Variants in SAE1 observed in about 807,000 individuals in gnomAD.
The protein encoded by SAE1 is SUMO1 activating enzyme subunit 1.
In SAE1, 11 loss-of-function variants were observed where a neutral mutation model predicts 40.6. The observed-to-expected ratio is 0.27, with a 90% CI of 0.17 to 0.45. The LOEUF (loss-of-function observed/expected upper bound fraction) is 0.45. Among genes scored for constraint, SAE1 ranks in the 20% least tolerant of loss-of-function variants. The pLI, the probability that SAE1 is intolerant of heterozygous loss-of-function variation, is 1.00. For missense variants in SAE1, 373 were observed against 427.3 expected (o/e 0.87, Z 1.12); for synonymous variants, 155 against 154.3 (o/e 1.00, Z -0.03).
At position 47,137,724 on chromosome 19, in the gene SAE1, TG is replaced by T. The variant is rs1473844566; in HGVS notation, c.99-5769del. Among the ~76,000 whole-genome samples, 146 of 140,998 alleles carry T rather than the reference TG, an allele frequency of 1.0e-3. No homozygotes were observed. The East Asian group carries it at 0.019, about 18-fold the overall frequency. The allele number at this position is 140,998 out of a possible 152,430, so 92.5% of individuals were successfully genotyped here. A position where few individuals can be genotyped will look rare whatever the true frequency, so the allele number is the denominator to read the frequency against. On this transcript the variant is annotated intron_variant, in intron 1 of 8. Transcript: ENST00000270225. ...CTGATTGTGTGTGTGTGTGTGTGTG[TG>T]TGTTGTTTTTTTTTTTTTTTTGTGA...
At chr19:47,144,394 A>T (rs1004229934) in intron 2 of SAE1, among the ~76,000 whole-genome samples, 1 of 151,760 alleles carries the variant, frequency 6.6e-6, no homozygotes, top group African/African-American at 2.4e-5. Flanking sequence ...GTCCACAGAC[A>T]TCACTTTAAA....
chr19:47,149,210 G>A lies in SAE1; in HGVS notation c.211-992G>A, dbSNP rs139631620. ...TTTTGAGACGGAGTCTTGCTCTGTT[G>A]CCCAGGCTGGAGTACAGTGGTGCAA... is the stretch of plus-strand genomic sequence containing the variant. On this transcript the variant is annotated intron_variant, in intron 2 of 8. Transcript: ENST00000270225. Among the ~76,000 whole-genome samples, 943 of 114,590 alleles carry A rather than the reference G, an allele frequency of 8.2e-3. 9 individuals are homozygous for A. The highest frequency in any genetic ancestry group is 0.031 in the African/African-American group (905 of 29,082). 75.2% of individuals were successfully genotyped at this position (114,590 alleles called of 152,430 possible). A position where few individuals can be genotyped will look rare whatever the true frequency, so the allele number is the denominator to read the frequency against.
In SAE1 at chr19:47,154,181, C is replaced by A. The variant is rs186963237; in HGVS notation, c.528-933C>A. On this transcript the variant is annotated intron_variant, in intron 4 of 8. Transcript: ENST00000270225. ...TCTTGGCTCACTGCAACCTCCACCT[C>A]CTGGATTCAAGTGGTTCTCCTGCTT... 7.9e-5 allele frequency among the ~76,000 whole-genome samples: 12 copies of A among 152,270 alleles called. No individual in the cohort carries two copies. In the East Asian group the frequency reaches 2.1e-3, roughly 27 times the overall value.
At chr19:47,145,228 C>T (rs891608756) in intron 2 of SAE1, among the ~76,000 whole-genome samples, 3 of 152,036 alleles carry the variant, frequency 2.0e-5, no homozygotes, top group African/African-American at 7.2e-5. Flanking sequence ...TCTTGAACTC[C>T]GACCTCAGGT....
At chr19:47,154,669 T>C (rs1363322878) in intron 4 of SAE1, among the ~76,000 whole-genome samples, 3 of 151,862 alleles carry the variant, frequency 2.0e-5, no homozygotes, top group Admixed American at 6.6e-5. Context: ...TAGTTTTTTG[T>C]ATTTTTAGTA....
At chr19:47,138,030 A>G (rs1349448165) in intron 1 of SAE1, among the ~76,000 whole-genome samples, 1 of 145,672 alleles carries the variant, frequency 6.9e-6, no homozygotes, top group Non-Finnish European at 1.5e-5. Flanking sequence ...CACCCGGCCT[A>G]TGTGTGTGTA....
intron 6 of SAE1, among the ~76,000 whole-genome samples, chr19:47,189,483 C>T (rs1483103956): frequency 6.6e-6 from 1 of 152,136 alleles, no homozygotes; most frequent in Non-Finnish European, 1.5e-5. Flanking sequence ...ATCGCTTGCA[C>T]CTGGGAGGCG....
At chr19:47,178,963 G>T (rs1600191114) in intron 6 of SAE1, among the ~76,000 whole-genome samples, 3 of 152,174 alleles carry the variant, frequency 2.0e-5, no homozygotes, top group Non-Finnish European at 4.4e-5. Flanking sequence ...GGAGGCTGAG[G>T]TGGGTGGCTC....
chr19:47,156,895 G>C (rs1047079731), intron 5 of SAE1, among the ~76,000 whole-genome samples: 2 of 152,186 alleles, frequency 1.3e-5, no homozygotes, highest in Non-Finnish European at 2.9e-5. Context: ...GGAACCATGC[G>C]ATGGGGAAAG....
At chr19:47,184,401 T>G (rs748190342) in intron 6 of SAE1, among the ~76,000 whole-genome samples, 5 of 152,098 alleles carry the variant, frequency 3.3e-5, no homozygotes, top group Non-Finnish European at 5.9e-5. Flanking sequence ...TCTGTCTTTT[T>G]TGTTTTTTGC....
At chr19:47,183,036 C>T (rs1445860382) in intron 6 of SAE1, among the ~76,000 whole-genome samples, 2 of 152,110 alleles carry the variant, frequency 1.3e-5, no homozygotes, top group Admixed American at 6.6e-5. Context: ...CTGCCTCTGC[C>T]TCCCGAGTAG....
chr19:47,164,046 G>A (rs2123237917), intron 5 of SAE1, among the ~76,000 whole-genome samples: 1 of 152,322 alleles, frequency 6.6e-6, no homozygotes, highest in South Asian at 2.1e-4. Context: ...TGGGATTACA[G>A]GCGTGAGCCA....
chr19:47,159,788 G>A (rs1389726444), intron 5 of SAE1, among the ~76,000 whole-genome samples: 1 of 152,114 alleles, frequency 6.6e-6, no homozygotes, highest in Non-Finnish European at 1.5e-5. Context: ...CTGCCTCCTG[G>A]GTTCAAGCAA....
At chr19:47,164,430 G>A (rs1185891397) in intron 5 of SAE1, among the ~76,000 whole-genome samples, 1 of 152,046 alleles carries the variant, frequency 6.6e-6, no homozygotes, top group Non-Finnish European at 1.5e-5. Context: ...GCCTCCCAAA[G>A]TGCTGGGATT....
intron 6 of SAE1, among the ~76,000 whole-genome samples, chr19:47,186,329 C>T (rs148519628): frequency 1.8e-3 from 280 of 152,194 alleles, no homozygotes; most frequent in Non-Finnish European, 3.1e-3. Context: ...TTGGTAAGTA[C>T]AATGCAAATA....
intron 7 of SAE1, among the ~76,000 whole-genome samples, chr19:47,202,684 C>T (rs770867774): frequency 1.5e-4 from 22 of 149,334 alleles, no homozygotes; most frequent in East Asian, 4.3e-4. Flanking sequence ...GAGGCCGAGG[C>T]GGGCGGATCA....
At position 47,150,219 on chromosome 19, in the gene SAE1, C is replaced by A; in HGVS notation, c.228C>A (p.Pro76=). 1.3e-6 allele frequency: 2 copies of A among 1,594,160 alleles called. No homozygotes were observed. Among genetic ancestry groups the A allele is most frequent in the Non-Finnish European group, 1.7e-6 (2 of 1,172,416 alleles). The change falls in exon 3 of 9, where the codon CCC becomes CCA. Residue 76 remains proline (P), a synonymous_variant. Coordinates refer to ENST00000270225, the MANE Select transcript of SAE1 (RefSeq NM_005500.3). ...ATTCCTAGGTAACTCCAGAAGATCCCGGAGCTCAGTTCTTGATTCGTACTG... is the reference window on the plus strand; with the variant it reads ...ATTCCTAGGTAACTCCAGAAGATCCAGGAGCTCAGTTCTTGATTCGTACTG... The part of the protein sequence containing the change: ...LDHEQVTPED[P]GAQFLIRTGS...
chr19:47,199,153 G>A (rs775956902), intron 7 of SAE1, among the ~76,000 whole-genome samples: 2 of 152,004 alleles, frequency 1.3e-5, no homozygotes, highest in East Asian at 3.9e-4. Flanking sequence ...TTGGGAGGCC[G>A]AGACAGGCAG....
chr19:47,200,748 C>T (rs1431743853), intron 7 of SAE1, among the ~76,000 whole-genome samples: 1 of 152,192 alleles, frequency 6.6e-6, no homozygotes. Flanking sequence ...GGCACACTTA[C>T]TCATTTATAT....
Sources: gnomAD v4.1 joint callset for allele counts (sites outside exome capture counted in the v4.1 genomes callset) on GRCh38, gnomAD v4.1.1 for gene constraint, MANE v1.5 for transcripts, NCBI Gene and HGNC (gene_info 2026-07-23, HGNC 2026-07-21) for gene names.